The following CRYBA2 variants were observed in gnomAD, a reference collection of about 807,000 sequenced individuals.
CRYBA2 encodes beta-crystallin A2.
CRYBA2 carries 17 observed loss-of-function variants against 18.5 expected under a neutral mutation model. That is an observed-to-expected ratio of 0.92 (90% CI 0.63 to 1.38). CRYBA2 has a LOEUF of 1.38. Ranked by LOEUF, CRYBA2 falls within the 40% of genes most tolerant of loss-of-function variation. The pLI is 0.00. For synonymous variants in CRYBA2, 101 were observed against 106.2 expected, an observed-to-expected ratio of 0.95 and a Z score of 0.30; for missense variants, 271 against 265.0, an observed-to-expected ratio of 1.02 and a Z score of -0.16.
chr2:218,991,066 C>T (rs1159579024), intron 2 of CRYBA2, 72 bp from the exon 3 acceptor site: 2 of 1,574,898 alleles, frequency 1.3e-6, no homozygotes, highest in African/African-American at 1.3e-5. Context: ...CTCTGCCTCA[C>T]TTCCCCCACC....
Position 218,992,247 on chromosome 2 carries a change from G to C in CRYBA2, c.162-4C>G, listed in dbSNP as rs1296708430. 6.2e-7 allele frequency: 1 copy of C among 1,612,720 alleles called. No individual in the cohort carries two copies. The highest frequency in any genetic ancestry group is 1.3e-5 in the African/African-American group (1 of 74,900). Reference sequence around the variant, plus strand: ...GGGGTACTCAAAGGCCACCCAACTGGAAAAGGAGAAGAGCTGGGAGGTATC... The same window carrying C: ...GGGGTACTCAAAGGCCACCCAACTGCAAAAGGAGAAGAGCTGGGAGGTATC... On this transcript the variant is annotated splice_region_variant and splice_polypyrimidine_tract_variant and intron_variant, in intron 1 of 3. Transcript: ENST00000295728.
At chr2:218,991,952 C>G in intron 2 of CRYBA2, 150 bp downstream of exon 2, 1 of 695,380 alleles carries the variant, frequency 1.4e-6, no homozygotes, top group Non-Finnish European at 2.3e-6. Flanking sequence ...TGGAGACACC[C>G]TTCTGATTCT....
chr2:218,991,895 GTGA>G lies in CRYBA2; in HGVS notation c.303+204_303+206del, dbSNP rs1945501498. On this transcript the variant is annotated intron_variant, in intron 2 of 3. Coordinates refer to ENST00000295728, the MANE Select transcript of CRYBA2 (RefSeq NM_057093.2). ...TGGGATGGCCTCAGCGCTGTCCGTG[GTGA>G]TGATTTCTGGGCTCCGGGCCTACGC... 1.2e-5 allele frequency: 7 copies of G among 575,734 alleles called. No individual in the cohort carries two copies. The South Asian group carries it at 1.5e-4, about 13-fold the overall frequency. 35.7% of individuals were successfully genotyped at this position (575,734 alleles called of 1,614,324 possible). A position where few individuals can be genotyped will look rare whatever the true frequency, so the allele number is the denominator to read the frequency against.
rs749595554 is a variant in CRYBA2 at position 218,991,014 on chromosome 2, G to A, written c.304-20C>T. ...GTGGTTCTGAGGCACAGCAAGATCA[G>A]GACAGAAAGATCAGGGCTTCCAAAG... On this transcript the variant is annotated intron_variant, in intron 2 of 3. Transcript: ENST00000295728. The A allele has an allele frequency of 2.5e-6, 4 of 1,611,844 alleles. No homozygotes were observed. In the East Asian group the frequency reaches 8.9e-5, roughly 36 times the overall value.
intron 2 of CRYBA2, chr2:218,991,220 G>A: frequency 1.9e-6 from 1 of 539,002 alleles, no homozygotes; most frequent in Non-Finnish European, 3.2e-6. Flanking sequence ...AGATAAGGAG[G>A]TGATTGGGGG....
chr2:218,990,812 C>T (rs1375958264), intron 3 of CRYBA2, 40 bp downstream of exon 3: 1 of 1,602,334 alleles, frequency 6.2e-7, no homozygotes. Flanking sequence ...CCATTGCCTC[C>T]CTGCTCTTCT....
intron 1 of CRYBA2, among the ~76,000 whole-genome samples, chr2:218,992,558 T>C (rs1189333648): frequency 2.0e-5 from 3 of 152,026 alleles, no homozygotes; most frequent in Non-Finnish European, 2.9e-5. Flanking sequence ...TGGGGACACA[T>C]TGGAGGACCC....
chr2:218,991,805 A>G, intron 2 of CRYBA2: 1 of 395,990 alleles, frequency 2.5e-6, no homozygotes, highest in Non-Finnish European at 4.5e-6. Flanking sequence ...TGGCTGTGTG[A>G]CGACAGAGGC....
At chr2:218,990,438 G>GCCCCCCCCCCCCCCCCCTGTTCCCCCCC in intron 3 of CRYBA2, 39 bp from the exon 4 acceptor site, 1 of 1,606,078 alleles carries the variant, frequency 6.2e-7, no homozygotes, top group South Asian at 1.1e-5. Flanking sequence ...AGTAAGCTCT[G>GCCCCCCCCCCCCCCCCCTGTTCCCCCCC]CCCCCACCCC....
chr2:218,993,064 T>C lies in CRYBA2; in HGVS notation c.113A>G (p.Glu38Gly). Residue 38 changes from glutamate to glycine, a missense_variant, in exon 1 of 4, where the codon GAG (glutamate) becomes GGG (glycine). Physicochemically the swap from Glu to Gly is moderately conservative, Grantham distance 98. Coordinates refer to ENST00000295728, the MANE Select transcript of CRYBA2 (RefSeq NM_057093.2). This position sits in a 1 kb window ranked among gnomAD's most constrained non-coding sequence, Gnocchi z 7.7. ...RLLSDCANVC[E>G]RGGLPRVRSV... ...GCGCACCCTGGGCAGGCCTCCGCGC[T>C]CGCAGACGTTCGCACAGTCGCTTAG... 1 of 1,610,696 alleles carries C rather than the reference T, an allele frequency of 6.2e-7. No individual in the cohort carries two copies. The highest frequency in any genetic ancestry group is 2.2e-5 in the East Asian group (1 of 44,728).
In CRYBA2 at chr2:218,993,331, T is replaced by C; in HGVS notation, c.-155A>G. 1 of 673,338 alleles carries C rather than the reference T, an allele frequency of 1.5e-6. No homozygotes were observed. The highest frequency in any genetic ancestry group is 2.4e-6 in the Non-Finnish European group (1 of 412,418). 41.7% of individuals were successfully genotyped at this position (673,338 alleles called of 1,614,324 possible). On this transcript the variant is annotated 5_prime_UTR_variant, in exon 1 of 4. Transcript: ENST00000295728. The surrounding 1 kb of genome is among the most constrained non-coding windows in gnomAD (Gnocchi z 7.7). ...CCCGGCTGCCAGGGGCTCGCAGTCT[T>C]CCCGCGCTCCCCTCCCTTCCCCACC...
intron 3 of CRYBA2, 126 bp from the exon 4 acceptor site, chr2:218,990,525 C>T: frequency 8.1e-7 from 1 of 1,229,822 alleles, no homozygotes; most frequent in Non-Finnish European, 1.1e-6. Context: ...TTCAACTTTC[C>T]CTCCGTGGCT....
chr2:218,990,226 AG>A lies in CRYBA2; in HGVS notation c.*25del, dbSNP rs1559102016. ...TCAGGAACCTTTATTGAGTGTCCTC[AG>A]GGAAGGTGTCTGGGGCCGTGGAGCC... On this transcript the variant is annotated 3_prime_UTR_variant, in exon 4 of 4. Coordinates refer to ENST00000295728, the MANE Select transcript of CRYBA2 (RefSeq NM_057093.2). 6.2e-7 allele frequency: 1 copy of A among 1,613,582 alleles called. No individual in the cohort carries two copies. Among genetic ancestry groups the A allele is most frequent in the East Asian group, 2.2e-5 (1 of 44,872 alleles).
intron 1 of CRYBA2, 143 bp downstream of exon 1, chr2:218,992,873 G>A: frequency 1.6e-6 from 1 of 607,158 alleles, no homozygotes; most frequent in Admixed American, 3.2e-5. Flanking sequence ...GCGATGGGTG[G>A]GGAATTTTGG....
In CRYBA2 at chr2:218,990,293, G is replaced by T; in HGVS notation, c.553C>A (p.His185Asn). The T allele has an allele frequency of 6.2e-7, 1 of 1,614,178 alleles. No individual in the cohort carries two copies. Among genetic ancestry groups the T allele is most frequent in the Non-Finnish European group, 8.5e-7 (1 of 1,180,020 alleles). ...CTYGELGTQA[H>N]TGQLQSIRRV... ...CGGATGGACTGCAGCTGCCCAGTGT[G>T]GGCCTGTGTGCCGAGCTCACCGTAA... is the stretch of plus-strand genomic sequence containing the variant. The change falls in exon 4 of 4, where the codon CAC (histidine) becomes AAC (asparagine). Residue 185 changes from histidine (H) to asparagine (N), a missense_variant. His to Asn is a moderately conservative substitution (Grantham distance 68). Coordinates refer to ENST00000295728, the MANE Select transcript of CRYBA2 (RefSeq NM_057093.2).
intron 2 of CRYBA2, 96 bp downstream of exon 2, chr2:218,991,980 CCACCCATCTCGGAGTTTGTTTACACA>C (rs1945502712): frequency 9.0e-6 from 7 of 778,442 alleles, no homozygotes; most frequent in Non-Finnish European, 1.4e-5. Context: ...AATGCTACTA[CCACCCATCTCGGAGTTTGTTTACACA>C]CACCCCATGC....
In CRYBA2 at chr2:218,993,037, G is replaced by A. The variant is rs781421886; in HGVS notation, c.140C>T (p.Ser47Leu). 3.1e-6 allele frequency: 5 copies of A among 1,606,302 alleles called. No homozygotes were observed. The highest frequency in any genetic ancestry group is 4.3e-6 in the Non-Finnish European group (5 of 1,175,362). ...TCACACGCCGTTTTCCACCTTGACC[G>A]AGCGCACCCTGGGCAGGCCTCCGCG... ...CERGGLPRVRSVKVENGVWVA... is the reference protein window; with the variant it reads ...CERGGLPRVRLVKVENGVWVA... The change falls in exon 1 of 4, where the codon TCG becomes TTG. Residue 47 changes from serine to leucine, a missense_variant. By Grantham distance (145) the Ser-to-Leu change is moderately radical. Transcript: ENST00000295728. This position sits in a 1 kb window ranked among gnomAD's most constrained non-coding sequence, Gnocchi z 7.7.
rs142969645 is a variant in CRYBA2 at position 218,990,851 on chromosome 2, C to G, written c.446+1G>C. The G allele has an allele frequency of 3.1e-6, 5 of 1,612,622 alleles. No individual in the cohort carries two copies. In the African/African-American group the frequency reaches 5.3e-5, roughly 17 times the overall value. On this transcript the variant is annotated splice_donor_variant, in intron 3 of 3. Coordinates refer to ENST00000295728, the MANE Select transcript of CRYBA2 (RefSeq NM_057093.2). LOFTEE classifies it high-confidence loss of function. ...TCCCTGGTTCCAGTTCCAGGACTCACGCTCCGGAGCTGACTTTGAGGGAAC... is the reference window on the plus strand; with the variant it reads ...TCCCTGGTTCCAGTTCCAGGACTCAGGCTCCGGAGCTGACTTTGAGGGAAC...
rs1945489517 is a variant in CRYBA2, at chr2:218,990,901, TGGA to T, written c.394_396del (p.Ser132del). On this transcript the variant is annotated inframe_deletion, in exon 3 of 4. Coordinates refer to ENST00000295728, the MANE Select transcript of CRYBA2 (RefSeq NM_057093.2). The stretch of plus-strand genomic sequence containing the variant: ...CCCACATCCTTGCTGGCCCAGCCCA[TGGA>T]GGGCAGGGATGGGTAGTCATCAACG... 6.2e-7 allele frequency: 1 copy of T among 1,613,992 alleles called. No homozygotes were observed. The highest frequency in any genetic ancestry group is 1.7e-5 in the Admixed American group (1 of 60,004).
Sources: allele counts gnomAD v4.1 joint callset (sites outside exome capture counted in the v4.1 genomes callset), GRCh38; gene constraint gnomAD v4.1.1; non-coding constraint Gnocchi (gnomAD v3.1); transcripts MANE v1.5; gene names NCBI Gene and HGNC (gene_info 2026-07-23, HGNC 2026-07-21).